Variants in CENPF observed in about 807,000 individuals in gnomAD.
CENPF encodes the protein centromere protein F.
CENPF carries 214 observed loss-of-function variants against 307.3 expected under a neutral mutation model. The observed-to-expected ratio is 0.70, with a 90% CI of 0.62 to 0.78. CENPF has a LOEUF of 0.78. Among genes scored for constraint, CENPF ranks in the 30% least tolerant of loss-of-function variants. The pLI is 0.00. For synonymous variants in CENPF, 1,259 were observed against 1,270.6 expected (o/e 0.99, Z 0.19); for missense variants, 3,401 against 3,483.9 (o/e 0.98, Z 0.60).
In CENPF at chr1:214,635,055, T is replaced by C. The variant is rs574886224; in HGVS notation, c.1446+2453T>C. 4.4e-4 allele frequency among the ~76,000 whole-genome samples: 67 copies of C among 152,232 alleles called. 1 individual carries two copies. The highest frequency in any genetic ancestry group is 1.0e-3 in the South Asian group (5 of 4,816). On this transcript the variant is annotated intron_variant, in intron 10 of 19. Coordinates refer to ENST00000366955, the MANE Select transcript of CENPF (RefSeq NM_016343.4). The stretch of plus-strand genomic sequence containing the variant: ...CTATCCAGTGCCAGCCCCATAGCAT[T>C]GGGGTTAGGCAATAAAATACCATCG...
Position 214,644,546 on chromosome 1 carries a change from T to G in CENPF, c.4987-11T>G. ...AATAAAATGCATGCTTGTTATGTAT[T>G]ATAATTACAGGCTATTCAAGGCCGA... On this transcript the variant is annotated splice_polypyrimidine_tract_variant and intron_variant, in intron 12 of 19. Transcript: ENST00000366955. The G allele has an allele frequency of 1.3e-6, 2 of 1,557,344 alleles. No individual in the cohort carries two copies. Among genetic ancestry groups the G allele is most frequent in the Non-Finnish European group, 1.7e-6 (2 of 1,154,410 alleles).
intron 1 of CENPF, among the ~76,000 whole-genome samples, chr1:214,609,149 C>G (rs1657131239): frequency 6.6e-6 from 1 of 151,940 alleles, no homozygotes; most frequent in Non-Finnish European, 1.5e-5. Context: ...GTGCGTCCGT[C>G]GGTCCCTCCG....
At chr1:214,624,448 A>G (rs973254171) in intron 7 of CENPF, among the ~76,000 whole-genome samples, 1 of 152,306 alleles carries the variant, frequency 6.6e-6, no homozygotes, top group South Asian at 2.1e-4. Context: ...TTCAATTTTT[A>G]AAATAGTTAT....
intron 1 of CENPF, chr1:214,608,266 C>T (rs1199004463): frequency 1.2e-4 from 186 of 1,530,640 alleles, no homozygotes; most frequent in Non-Finnish European, 1.5e-4. Context: ...CCGGCCTGGT[C>T]CCCTCTTGGG....
At chr1:214,633,653 T>A (rs1657870991) in intron 10 of CENPF, among the ~76,000 whole-genome samples, 1 of 152,210 alleles carries the variant, frequency 6.6e-6, no homozygotes. Context: ...AGAACATCTG[T>A]CAGTAGCAGA....
At chr1:214,626,544 T>G (rs933525550) in intron 7 of CENPF, among the ~76,000 whole-genome samples, 5 of 152,236 alleles carry the variant, frequency 3.3e-5, no homozygotes, top group African/African-American at 1.2e-4. Flanking sequence ...TCCATGCATT[T>G]AATATCCTCA....
intron 1 of CENPF, chr1:214,608,662 G>T: frequency 6.2e-7 from 1 of 1,600,608 alleles, no homozygotes; most frequent in Non-Finnish European, 8.5e-7. Flanking sequence ...GGGTGCGCCC[G>T]AGGAGGCCCG....
chr1:214,633,348 T>C (rs1657860683), intron 10 of CENPF, among the ~76,000 whole-genome samples: 1 of 152,136 alleles, frequency 6.6e-6, no homozygotes, highest in Admixed American at 6.6e-5. Context: ...TTTAAAGGGC[T>C]TAATTAAGAA....
Position 214,645,506 on chromosome 1 carries a change from A to T in CENPF, c.5936A>T (p.Gln1979Leu). The change falls in exon 13 of 20, where the codon CAG becomes CTG. Residue 1979 changes from glutamine (Q) to leucine (L), a missense_variant. By Grantham distance (113) the Gln-to-Leu change is moderately radical. Transcript: ENST00000366955. ...TMSKKTTALD[Q>L]LSEKMKEKTQ... is the part of the protein sequence containing the mutation. ...TCAAAAAAAACCACGGCACTGGATC[A>T]GTTGTCTGAAAAAATGAAGGAGAAA... 6.2e-7 allele frequency: 1 copy of T among 1,614,178 alleles called. No homozygotes were observed. Among genetic ancestry groups the T allele is most frequent in the Non-Finnish European group, 8.5e-7 (1 of 1,180,036 alleles).
At position 214,640,817 on chromosome 1, in the gene CENPF, A is replaced by T; in HGVS notation, c.2479A>T (p.Ile827Phe). Reference sequence around the variant, plus strand: ...AGACCAAAGTCCGAAAAATTCTGCCATCCTACAAAATAGAGTTGATTCACT... The same window carrying T: ...AGACCAAAGTCCGAAAAATTCTGCCTTCCTACAAAATAGAGTTGATTCACT... ...EADQSPKNSA[I>F]LQNRVDSLEF... is the part of the protein sequence containing the mutation. Residue 827 changes from isoleucine (I) to phenylalanine (F), a missense_variant, in exon 12 of 20, where the codon ATC becomes TTC. Physicochemically the swap from Ile to Phe is conservative, Grantham distance 21. Coordinates refer to ENST00000366955, the MANE Select transcript of CENPF (RefSeq NM_016343.4). The T allele has an allele frequency of 1.2e-6, 2 of 1,606,414 alleles. No homozygotes were observed. Among genetic ancestry groups the T allele is most frequent in the Non-Finnish European group, 1.7e-6 (2 of 1,177,142 alleles).
rs769190731 is a variant in CENPF at position 214,642,172 on chromosome 1, G to A, written c.3834G>A (p.Glu1278=). ...AEEKYISGPH[E]LSTSQNDNAH... is the part of the protein sequence containing the mutation. ...AAAAGTATATTTCAGGGCCTCATGA[G>A]TTGTCAACAAGTCAAAACGACAATG... Residue 1278 remains glutamate, a synonymous_variant, in exon 12 of 20, where the codon GAG becomes GAA. Coordinates refer to ENST00000366955, the MANE Select transcript of CENPF (RefSeq NM_016343.4). 7.4e-6 allele frequency: 12 copies of A among 1,614,044 alleles called. No individual in the cohort carries two copies. The East Asian group carries it at 2.2e-4, about 30-fold the overall frequency.
rs1658145423 is a variant in CENPF at position 214,642,299 on chromosome 1, C to A, written c.3961C>A (p.Leu1321Met). The A allele has an allele frequency of 3.1e-6, 5 of 1,613,594 alleles. No homozygotes were observed. In the East Asian group the frequency reaches 1.1e-4, roughly 36 times the overall value. ...TGAAAAGTATGAACTCGTAACTGAG[C>A]TGAATGATTCAAGGTCAGAATGTAT... ...QAEKYELVTE[L>M]NDSRSECITA... The change falls in exon 12 of 20, where the codon CTG becomes ATG. Residue 1321 changes from leucine (L) to methionine (M), a missense_variant. Leu to Met is a conservative substitution (Grantham distance 15, BLOSUM62 2). Coordinates refer to ENST00000366955, the MANE Select transcript of CENPF (RefSeq NM_016343.4).
chr1:214,634,474 A>G (rs1657902828), intron 10 of CENPF, among the ~76,000 whole-genome samples: 1 of 152,216 alleles, frequency 6.6e-6, no homozygotes, highest in African/African-American at 2.4e-5. Flanking sequence ...TGACCTTTAG[A>G]CAGTGGCTTA....
At chr1:214,611,525 C>T (rs756805518) in intron 1 of CENPF, among the ~76,000 whole-genome samples, 3 of 152,112 alleles carry the variant, frequency 2.0e-5, no homozygotes, top group Non-Finnish European at 4.4e-5. Flanking sequence ...GCCACCACAC[C>T]CAGCTAATCT....
chr1:214,657,523 T>C (rs1210827919), intron 18 of CENPF, 114 bp downstream of exon 18: 3 of 742,440 alleles, frequency 4.0e-6, no homozygotes, highest in African/African-American at 3.5e-5. Flanking sequence ...AATAATCTCA[T>C]TGACGTTCAT....
chr1:214,637,713 T>C (rs1336101080), intron 10 of CENPF, among the ~76,000 whole-genome samples, 153 bp from the exon 11 acceptor site: 2 of 152,216 alleles, frequency 1.3e-5, no homozygotes, highest in East Asian at 3.9e-4. Flanking sequence ...TAAGTAAGAA[T>C]GTCTGACTTC....
At position 214,617,575 on chromosome 1, in the gene CENPF, A is replaced by C. The variant is rs183954900; in HGVS notation, c.360-998A>C. ...CTGAATACCTTTATACAGGGTGTACATATATACAATATGTAACTTATGTTT... is the reference window on the plus strand; with the variant it reads ...CTGAATACCTTTATACAGGGTGTACCTATATACAATATGTAACTTATGTTT... On this transcript the variant is annotated intron_variant, in intron 3 of 19. Coordinates refer to ENST00000366955, the MANE Select transcript of CENPF (RefSeq NM_016343.4). 7.2e-5 allele frequency among the ~76,000 whole-genome samples: 11 copies of C among 152,352 alleles called. No individual in the cohort carries two copies. The South Asian group carries it at 1.2e-3, about 17-fold the overall frequency.
intron 12 of CENPF, 115 bp from the exon 13 acceptor site, chr1:214,644,442 G>A (rs2102564008): frequency 6.6e-6 from 6 of 915,436 alleles, no homozygotes; most frequent in Non-Finnish European, 6.3e-6. Context: ...ACCACTTTAA[G>A]AGATGTGTTT....
In CENPF at chr1:214,642,968, G is replaced by T; in HGVS notation, c.4630G>T (p.Ala1544Ser). The change falls in exon 12 of 20, where the codon GCC becomes TCC. Residue 1544 changes from alanine to serine, a missense_variant. Ala to Ser is a moderately conservative substitution (Grantham distance 99, BLOSUM62 1). Transcript: ENST00000366955. ...ENLTRKETPSAPAKGVEELES... is the reference protein window; with the variant it reads ...ENLTRKETPSSPAKGVEELES... ...TCTGACCAGGAAAGAAACCCCTTCG[G>T]CCCCAGCGAAGGGTGTTGAAGAGCT... The T allele has an allele frequency of 6.2e-7, 1 of 1,612,794 alleles. No individual in the cohort carries two copies. Among genetic ancestry groups the T allele is most frequent in the African/African-American group, 1.3e-5 (1 of 74,818 alleles).
Sources: allele counts gnomAD v4.1 joint callset (sites outside exome capture counted in the v4.1 genomes callset), GRCh38; gene constraint gnomAD v4.1.1; transcripts MANE v1.5; gene names NCBI Gene and HGNC (gene_info 2026-07-23, HGNC 2026-07-21).